The following HECW1 variants were observed in gnomAD, a reference collection of about 807,000 sequenced individuals.
HECW1 encodes the protein E3 ubiquitin-protein ligase HECW1.
In HECW1, 61 loss-of-function variants were observed where a neutral mutation model predicts 182.3. The observed-to-expected ratio is 0.33, with a 90% confidence interval of 0.27 to 0.41. The LOEUF is 0.41. Among genes scored for constraint, HECW1 ranks in the 10% least tolerant of loss-of-function variants. HECW1 has a pLI of 1.00. For missense variants in HECW1, 1,739 were observed against 2,108.9 expected, an observed-to-expected ratio of 0.82 and a Z score of 3.44; for synonymous variants, 859 against 832.6, an observed-to-expected ratio of 1.03 and a Z score of -0.55.
At chr7:43,469,401 A>G (rs543972099) in intron 16 of HECW1, among the ~76,000 whole-genome samples, 1 of 152,056 alleles carries the variant, frequency 6.6e-6, no homozygotes, top group Non-Finnish European at 1.5e-5. Flanking sequence ...CACTGTCTAC[A>G]TTTTTTTTAA....
At chr7:43,401,399 G>C (rs141879534) in intron 7 of HECW1, among the ~76,000 whole-genome samples, 50 of 152,208 alleles carry the variant, frequency 3.3e-4, no homozygotes, top group African/African-American at 1.2e-3. Flanking sequence ...CACATAATCA[G>C]TGTTTTTGAT....
intron 2 of HECW1, among the ~76,000 whole-genome samples, chr7:43,152,776 C>A (rs536642349): frequency 6.6e-6 from 1 of 152,228 alleles, no homozygotes; most frequent in Admixed American, 6.5e-5. Context: ...TCCGGGGGCC[C>A]TCGGGTCTTC....
intron 3 of HECW1, among the ~76,000 whole-genome samples, chr7:43,308,314 ATAT>A (rs1458008274): frequency 4.6e-5 from 6 of 129,946 alleles, no homozygotes; most frequent in African/African-American, 1.7e-4. Flanking sequence ...ATATATTTAT[ATAT>A]TATATGATAT....
chr7:43,145,468 G>T (rs1230326225), intron 2 of HECW1, among the ~76,000 whole-genome samples: 6 of 152,060 alleles, frequency 3.9e-5, no homozygotes, highest in Non-Finnish European at 7.4e-5. Flanking sequence ...GCTAATTTTT[G>T]TATTTTTTTG....
Position 43,445,363 on chromosome 7 carries a change from A to C in HECW1, c.2191A>C (p.Thr731Pro). 1 of 1,613,764 alleles carries C rather than the reference A, an allele frequency of 6.2e-7. No individual in the cohort carries two copies. Among genetic ancestry groups the C allele is most frequent in the Non-Finnish European group, 8.5e-7 (1 of 1,180,020 alleles). The stretch of plus-strand genomic sequence containing the variant: ...GGACAGCGCCAAGATCTCCGAGAGC[A>C]CGGTCTTCTCCTCGCAAGACGACGA... ...SVDSAKISESTVFSSQDDEEE... is the reference protein window; with the variant it reads ...SVDSAKISESPVFSSQDDEEE... Residue 731 changes from threonine to proline, a missense_variant, in exon 11 of 30, where the codon ACG (threonine) becomes CCG (proline). By Grantham distance (38) the Thr-to-Pro change is conservative. Around this residue, in one of 5 missense-constraint regions of HECW1, gnomAD observed 971 missense variants for 1,029.1 expected, o/e 0.94. Coordinates refer to ENST00000395891, the MANE Select transcript of HECW1 (RefSeq NM_015052.5).
intron 6 of HECW1, among the ~76,000 whole-genome samples, chr7:43,376,394 G>A (rs2074326349): frequency 6.6e-6 from 1 of 152,124 alleles, no homozygotes; most frequent in African/African-American, 2.4e-5. Flanking sequence ...CCCTGGGATG[G>A]GGGTAGCCAG....
chr7:43,114,247 T>C lies in HECW1; in HGVS notation c.-176T>C. 1 of 1,363,174 alleles carries C rather than the reference T, an allele frequency of 7.3e-7. No individual in the cohort carries two copies. Among genetic ancestry groups the C allele is most frequent in the Non-Finnish European group, 9.7e-7 (1 of 1,034,846 alleles). 84.4% of individuals were successfully genotyped at this position (1,363,174 alleles called of 1,614,324 possible). On this transcript the variant is annotated 5_prime_UTR_variant, in exon 2 of 30. Coordinates refer to ENST00000395891, the MANE Select transcript of HECW1 (RefSeq NM_015052.5). The stretch of plus-strand genomic sequence containing the variant: ...GCATCTTCTCTCTTTTCCTGGGATT[T>C]AAACGCGATTTAGGAGGGCAGATGC...
chr7:43,247,047 A>G (rs1242850116), intron 3 of HECW1, among the ~76,000 whole-genome samples: 2 of 152,198 alleles, frequency 1.3e-5, no homozygotes, highest in Non-Finnish European at 2.9e-5. Context: ...GCATCCTGAC[A>G]ACTAGGCAAT....
intron 2 of HECW1, among the ~76,000 whole-genome samples, chr7:43,225,895 T>G (rs1354419262): frequency 6.6e-6 from 1 of 152,108 alleles, no homozygotes; most frequent in Admixed American, 6.5e-5. Flanking sequence ...CTCAGCCTCC[T>G]GAGTAGCTGG....
At position 43,336,073 on chromosome 7, in the gene HECW1, CT is replaced by C. The variant is rs1371286979; in HGVS notation, c.460+15332del. ...CCTTCCTTCCTCTCTCTTTCTTCCC[CT>C]CCCTTTCTTTCTTTCTCTTTCTTTC... On this transcript the variant is annotated intron_variant, in intron 5 of 29. Coordinates refer to ENST00000395891, the MANE Select transcript of HECW1 (RefSeq NM_015052.5). 1.8e-3 allele frequency among the ~76,000 whole-genome samples: 262 copies of C among 145,876 alleles called. 1 individual carries two copies. Among genetic ancestry groups the C allele is most frequent in the African/African-American group, 6.1e-3 (240 of 39,476 alleles).
intron 16 of HECW1, 147 bp downstream of exon 16, chr7:43,469,252 C>A: frequency 1.3e-6 from 1 of 769,560 alleles, no homozygotes; most frequent in Non-Finnish European, 2.1e-6. Context: ...CTGATAACCA[C>A]CCACATCTGG....
At position 43,350,496 on chromosome 7, in the gene HECW1, G is replaced by A. The variant is rs144865556; in HGVS notation, c.461-10390G>A. 3.9e-4 allele frequency among the ~76,000 whole-genome samples: 60 copies of A among 152,144 alleles called. No homozygotes were observed. The East Asian group carries it at 9.5e-3, about 24-fold the overall frequency. The stretch of plus-strand genomic sequence containing the variant: ...AATTCTATTCTTCCTCAGGAATATC[G>A]TTTATATTTAGGTTTGGTCATTTAA... On this transcript the variant is annotated intron_variant, in intron 5 of 29. Coordinates refer to ENST00000395891, the MANE Select transcript of HECW1 (RefSeq NM_015052.5).
At chr7:43,541,623 C>T (rs1013772956) in intron 25 of HECW1, among the ~76,000 whole-genome samples, 1 of 152,156 alleles carries the variant, frequency 6.6e-6, no homozygotes. Flanking sequence ...AATTTTCATG[C>T]AGAGTCCCTG....
At chr7:43,234,861 T>C (rs1798182907) in intron 2 of HECW1, among the ~76,000 whole-genome samples, 1 of 152,138 alleles carries the variant, frequency 6.6e-6, no homozygotes, top group East Asian at 1.9e-4. Context: ...AGTGAATGCA[T>C]GAATGAAAAG....
chr7:43,272,851 C>T (rs1170867243), intron 3 of HECW1, among the ~76,000 whole-genome samples: 1 of 152,098 alleles, frequency 6.6e-6, no homozygotes, highest in Non-Finnish European at 1.5e-5. Flanking sequence ...ACCGTTACAC[C>T]AAAAAGACAC....
intron 2 of HECW1, among the ~76,000 whole-genome samples, chr7:43,190,289 T>A (rs1221231105): frequency 6.6e-6 from 1 of 152,124 alleles, no homozygotes; most frequent in Non-Finnish European, 1.5e-5. Context: ...AATTTTTGTG[T>A]TTTTAGTAGA....
At position 43,438,227 on chromosome 7, in the gene HECW1, T is replaced by C. The variant is rs532368090; in HGVS notation, c.944+82T>C. The C allele has an allele frequency of 5.8e-5, 70 of 1,201,770 alleles. No individual in the cohort carries two copies. In the African/African-American group the frequency reaches 9.1e-4, roughly 16 times the overall value. 74.4% of individuals were successfully genotyped at this position (1,201,770 alleles called of 1,614,324 possible). On this transcript the variant is annotated intron_variant, in intron 9 of 29. Transcript: ENST00000395891. ...AAAGGTGGCCTGTAGGCTGCAATAG[T>C]ATAGTCTCACAGAGAGTCAAAATGG...
At chr7:43,397,207 G>T (rs1465435161) in intron 7 of HECW1, among the ~76,000 whole-genome samples, 1 of 152,122 alleles carries the variant, frequency 6.6e-6, no homozygotes, top group South Asian at 2.1e-4. Context: ...CCTGGGAAGA[G>T]AAGCAGCTAT....
intron 2 of HECW1, among the ~76,000 whole-genome samples, chr7:43,127,039 A>T (rs1199550904): frequency 2.0e-5 from 3 of 152,198 alleles, no homozygotes. Flanking sequence ...AGTGGAAGGG[A>T]GAGTCTCATG....
Sources: allele counts gnomAD v4.1 joint callset (sites outside exome capture counted in the v4.1 genomes callset), GRCh38; gene constraint gnomAD v4.1.1; regional missense constraint gnomAD v4.1.1; transcripts MANE v1.5; gene names NCBI Gene and HGNC (gene_info 2026-07-23, HGNC 2026-07-21).